Variants in NEO1 observed in about 807,000 individuals in gnomAD.
NEO1 encodes neogenin.
NEO1 carries 63 observed loss-of-function variants against 159.7 expected under a neutral mutation model. The ratio of observed to expected loss-of-function variants is 0.39; its 90% confidence interval spans 0.32 to 0.49. The LOEUF (loss-of-function observed/expected upper bound fraction) is 0.49. Ranked by LOEUF, NEO1 falls within the 20% of genes least tolerant of loss-of-function variation. The probability of loss-of-function intolerance (pLI) is 0.85; values close to 1 mark genes in which losing one functional copy is unlikely to be tolerated. For synonymous variants in NEO1, 633 were observed against 662.0 expected, an observed-to-expected ratio of 0.96 and a Z score of 0.67; for missense variants, 1,615 against 1,831.0, an observed-to-expected ratio of 0.88 and a Z score of 2.15.
chr15:73,226,632 G>C lies in NEO1; in HGVS notation c.1292-9715G>C, dbSNP rs115016105. On this transcript the variant is annotated intron_variant, in intron 7 of 28. Transcript: ENST00000261908. ...TTCCCAAAAGTAATATTCTGTGGAA[G>C]TATACTTTTGTTCACACTGTTACTA... is the stretch of plus-strand genomic sequence containing the variant. Among the ~76,000 whole-genome samples the C allele has an allele frequency of 3.0e-3, 451 of 152,284 alleles. 1 individual carries two copies. The highest frequency in any genetic ancestry group is 0.01 in the African/African-American group (423 of 41,562).
chr15:73,284,238 A>G (rs537660932), intron 23 of NEO1, among the ~76,000 whole-genome samples: 13 of 152,348 alleles, frequency 8.5e-5, no homozygotes, highest in South Asian at 6.2e-4. Context: ...TTTAGTTGCA[A>G]TATCTTGAAA....
intron 22 of NEO1, 150 bp downstream of exon 22, chr15:73,278,349 C>T (rs1567676637): frequency 1.7e-6 from 1 of 586,434 alleles, no homozygotes; most frequent in African/African-American, 1.8e-5. Context: ...TTTGCCAAAT[C>T]ACTCCAAGCC....
At chr15:73,129,020 T>C (rs752731097) in intron 4 of NEO1, among the ~76,000 whole-genome samples, 2 of 152,248 alleles carry the variant, frequency 1.3e-5, no homozygotes, top group Non-Finnish European at 2.9e-5. Context: ...CTGAAAAGTC[T>C]GAGAAGCACT....
intron 7 of NEO1, among the ~76,000 whole-genome samples, chr15:73,231,607 G>T (rs903001108): frequency 1.3e-5 from 2 of 152,164 alleles, no homozygotes; most frequent in Non-Finnish European, 2.9e-5. Context: ...GGATGTGCAT[G>T]CCTGTGGTCC....
At chr15:73,271,530 G>A (rs372969361) in intron 18 of NEO1, among the ~76,000 whole-genome samples, 15 of 152,148 alleles carry the variant, frequency 9.9e-5, no homozygotes, top group African/African-American at 3.1e-4. Flanking sequence ...CTCAATAGTT[G>A]GCAGTATGTT....
chr15:73,279,440 C>T (rs1043266591), intron 22 of NEO1, among the ~76,000 whole-genome samples: 1 of 151,164 alleles, frequency 6.6e-6, no homozygotes, highest in African/African-American at 2.4e-5. Context: ...CCTCCACCTC[C>T]CGGGTTCAAG....
At chr15:73,215,684 T>G (rs529346164) in intron 7 of NEO1, among the ~76,000 whole-genome samples, 15 of 152,326 alleles carry the variant, frequency 9.8e-5, no homozygotes, top group Admixed American at 4.6e-4. Context: ...TTTGGTTAGC[T>G]AGTATTTTGT....
At chr15:73,258,667 T>G in intron 13 of NEO1, 99 bp from the exon 14 acceptor site, 2 of 951,888 alleles carry the variant, frequency 2.1e-6, no homozygotes, top group African/African-American at 3.2e-5. Context: ...AGCTATATAC[T>G]GAGTTGGTGA....
intron 5 of NEO1, among the ~76,000 whole-genome samples, chr15:73,163,311 A>G (rs1434650892): frequency 6.6e-6 from 1 of 152,168 alleles, no homozygotes; most frequent in African/African-American, 2.4e-5. Context: ...TATTTAAGTA[A>G]TGCAGTAACA....
At chr15:73,146,291 T>C (rs900277380) in intron 5 of NEO1, among the ~76,000 whole-genome samples, 3 of 152,210 alleles carry the variant, frequency 2.0e-5, no homozygotes, top group Non-Finnish European at 2.9e-5. Context: ...TAGTAGTGCC[T>C]GATGCTGTGT....
intron 7 of NEO1, among the ~76,000 whole-genome samples, chr15:73,221,078 T>C (rs1328633469): frequency 1.3e-5 from 2 of 152,174 alleles, no homozygotes; most frequent in African/African-American, 4.8e-5. Flanking sequence ...TGGTCTTTGA[T>C]GATGGTGATG....
intron 7 of NEO1, among the ~76,000 whole-genome samples, chr15:73,183,921 A>G (rs1176100333): frequency 1.3e-5 from 2 of 152,198 alleles, no homozygotes; most frequent in African/African-American, 4.8e-5. Context: ...CACTAATGAC[A>G]TGACAGAAAA....
In NEO1 at chr15:73,070,250, AGTT is replaced by A. The variant is rs545178422; in HGVS notation, c.130+17447_130+17449del. On this transcript the variant is annotated intron_variant, in intron 1 of 28. Transcript: ENST00000261908. Reference sequence around the variant, plus strand: ...ATGTATTTTATTTGTAATATTATAAAGTTGATATAAAAAATACACTTGATGCCA... The same window carrying A: ...ATGTATTTTATTTGTAATATTATAAAGATATAAAAAATACACTTGATGCCA... 7.2e-3 allele frequency among the ~76,000 whole-genome samples: 1,098 copies of A among 152,328 alleles called. 11 individuals carry two copies. The highest frequency in any genetic ancestry group is 0.027 in the Middle Eastern group (8 of 294).
chr15:73,200,157 C>G (rs1284893865), intron 7 of NEO1, among the ~76,000 whole-genome samples: 1 of 152,156 alleles, frequency 6.6e-6, no homozygotes, highest in Admixed American at 6.5e-5. Context: ...GTGAAACTAT[C>G]TAGGCCTAGT....
intron 5 of NEO1, among the ~76,000 whole-genome samples, chr15:73,169,047 C>T (rs2034780579): frequency 1.3e-5 from 2 of 152,084 alleles, no homozygotes; most frequent in Non-Finnish European, 2.9e-5. Flanking sequence ...TCCAACAATT[C>T]AGAGCTAATG....
In NEO1 at chr15:73,070,592, A is replaced by G. The variant is rs182450953; in HGVS notation, c.130+17787A>G. ...TGTATACAGTAGTCCCCCCTTATCC[A>G]TGGGAGATACATTCCAAGATCCTAG... On this transcript the variant is annotated intron_variant, in intron 1 of 28. Coordinates refer to ENST00000261908, the MANE Select transcript of NEO1 (RefSeq NM_002499.4). 1.9e-3 allele frequency among the ~76,000 whole-genome samples: 295 copies of G among 152,318 alleles called. 2 individuals are homozygous for G. Among genetic ancestry groups the G allele is most frequent in the African/African-American group, 6.8e-3 (281 of 41,586 alleles).
rs759017663 is a variant in NEO1 at position 73,288,335 on chromosome 15, G to C, written c.3433G>C (p.Val1145Leu). 2 of 1,613,544 alleles carry C rather than the reference G, an allele frequency of 1.2e-6. No homozygotes were observed. Among genetic ancestry groups the C allele is most frequent in the South Asian group, 2.2e-5 (2 of 91,074 alleles). The change falls in exon 24 of 29, where the codon GTG becomes CTG. Residue 1145 changes from valine (V) to leucine (L), a missense_variant. This residue lies in a region of NEO1 where 471 missense variants were observed against 498.9 expected (regional missense o/e 0.94). Transcript: ENST00000261908. ...QKKKRAACKS[V>L]NGSHKYKGNS... ...TAGGAAACGAGCTGCCTGCAAATCA[G>C]TGAATGGCTCTCATAAGTACAAAGG...
chr15:73,084,544 A>G (rs1393254683), intron 1 of NEO1, among the ~76,000 whole-genome samples: 2 of 152,036 alleles, frequency 1.3e-5, no homozygotes, highest in Non-Finnish European at 2.9e-5. Flanking sequence ...TTATCCATTC[A>G]TCTGTTGATG....
intron 4 of NEO1, among the ~76,000 whole-genome samples, chr15:73,127,816 T>C (rs2030502141): frequency 6.6e-6 from 1 of 152,218 alleles, no homozygotes; most frequent in Admixed American, 6.5e-5. Context: ...CAGCTTTAGC[T>C]TGTACATTTA....
Sources: allele counts gnomAD v4.1 joint callset (sites outside exome capture counted in the v4.1 genomes callset), GRCh38; gene constraint gnomAD v4.1.1; regional missense constraint gnomAD v4.1.1; transcripts MANE v1.5; gene names NCBI Gene and HGNC (gene_info 2026-07-23, HGNC 2026-07-21).